REV3L: variants seen among roughly 807,000 people sequenced by gnomAD.
The protein encoded by REV3L is REV3 like, DNA directed polymerase zeta catalytic subunit.
REV3L carries 69 observed loss-of-function variants against 299.4 expected under a neutral mutation model. That is an observed-to-expected ratio of 0.23 (90% confidence interval 0.19 to 0.28). REV3L has a LOEUF of 0.28. Among genes scored for constraint, REV3L ranks in the 10% least tolerant of loss-of-function variants. The probability of loss-of-function intolerance (pLI) is 1.00; values close to 1 mark genes in which losing one functional copy is unlikely to be tolerated. For synonymous variants in REV3L, 1,238 were observed against 1,271.4 expected (o/e 0.97, Z 0.56); for missense variants, 3,128 against 3,693.8 (o/e 0.85, Z 3.97).
intron 13 of REV3L, among the ~76,000 whole-genome samples, chr6:111,370,486 T>C (rs896617992): frequency 3.9e-5 from 6 of 152,208 alleles, no homozygotes; most frequent in Non-Finnish European, 7.3e-5. Flanking sequence ...TAACCTTTTC[T>C]CACCCCTTTA....
At chr6:111,352,129 C>T (rs1259243955) in intron 18 of REV3L, among the ~76,000 whole-genome samples, 2 of 151,942 alleles carry the variant, frequency 1.3e-5, no homozygotes, top group African/African-American at 2.4e-5. Context: ...GCCTCAGCCT[C>T]CTGAGTAGCT....
intron 3 of REV3L, among the ~76,000 whole-genome samples, chr6:111,407,575 G>C (rs1783778869): frequency 6.6e-6 from 1 of 152,142 alleles, no homozygotes; most frequent in Non-Finnish European, 1.5e-5. Context: ...GCAACACAGA[G>C]GTCATTAGTG....
chr6:111,413,937 A>G (rs140627512), intron 2 of REV3L, among the ~76,000 whole-genome samples: 191 of 152,202 alleles, frequency 1.3e-3, no homozygotes, highest in African/African-American at 4.4e-3. Context: ...AACAAAACTA[A>G]AAGATAAAGT....
intron 9 of REV3L, among the ~76,000 whole-genome samples, chr6:111,386,707 T>C (rs1781379744): frequency 6.7e-6 from 1 of 149,308 alleles, no homozygotes; most frequent in African/African-American, 2.4e-5. Flanking sequence ...TTACTGCTTA[T>C]AACAGCACTA....
intron 1 of REV3L, among the ~76,000 whole-genome samples, chr6:111,422,649 C>CATATAT (rs58760555): frequency 0.02 from 446 of 22,508 alleles, 103 homozygotes; most frequent in Non-Finnish European, 0.037. Context: ...TATATATATA[C>CATATAT]ATATATATAT....
intron 9 of REV3L, among the ~76,000 whole-genome samples, chr6:111,385,875 A>G (rs1045930364): frequency 6.6e-5 from 10 of 152,320 alleles, no homozygotes; most frequent in African/African-American, 2.2e-4. Context: ...TAATTAGGAA[A>G]TGCAGATTAA....
At chr6:111,456,852 C>T (rs557166988) in intron 1 of REV3L, among the ~76,000 whole-genome samples, 3 of 152,180 alleles carry the variant, frequency 2.0e-5, no homozygotes, top group African/African-American at 7.2e-5. Flanking sequence ...TATTCCTTTT[C>T]ACTTGACTAC....
At position 111,300,151 on chromosome 6, in the gene REV3L, G is replaced by A; in HGVS notation, c.9258C>T (p.Cys3086=). Residue 3086 remains cysteine, a synonymous_variant, in exon 32 of 32, where the codon TGC becomes TGT. Transcript: ENST00000368802. ...ERQQEQLVKI[C]KNCTGCFDRH... is the part of the protein sequence containing the mutation. ...GATCAAAGCAACCTGTACAGTTCTT[G>A]CATATCTGAAAGCATAAGAGAAATA... is the stretch of plus-strand genomic sequence containing the variant. 6.3e-7 allele frequency: 1 copy of A among 1,581,098 alleles called. No homozygotes were observed. Among genetic ancestry groups the A allele is most frequent in the South Asian group, 1.2e-5 (1 of 84,538 alleles).
intron 14 of REV3L, 120 bp from the exon 15 acceptor site, chr6:111,365,464 C>T (rs1779095648): frequency 6.8e-6 from 3 of 438,324 alleles, no homozygotes; most frequent in Non-Finnish European, 1.2e-5. Context: ...CTATGAATTC[C>T]CCCCAGAATT....
At chr6:111,438,601 T>G (rs1787873541) in intron 1 of REV3L, among the ~76,000 whole-genome samples, 3 of 151,724 alleles carry the variant, frequency 2.0e-5, no homozygotes, top group African/African-American at 7.3e-5. Flanking sequence ...ACAATAAAAC[T>G]AAATGACAAA....
chr6:111,310,233 ATTTC>A, intron 29 of REV3L, 134 bp from the exon 30 acceptor site: 1 of 1,163,590 alleles, frequency 8.6e-7, no homozygotes, highest in Non-Finnish European at 1.2e-6. Context: ...CAGAATTACT[ATTTC>A]TTTGAGAATA....
At chr6:111,301,629 G>A (rs1335638039) in intron 31 of REV3L, among the ~76,000 whole-genome samples, 1 of 152,166 alleles carries the variant, frequency 6.6e-6, no homozygotes, top group Non-Finnish European at 1.5e-5. Context: ...TAATGAGTCA[G>A]AATCTCCAGG....
At chr6:111,445,055 G>A (rs997515282) in intron 1 of REV3L, among the ~76,000 whole-genome samples, 21 of 152,142 alleles carry the variant, frequency 1.4e-4, no homozygotes, top group Admixed American at 4.6e-4. Flanking sequence ...ATAATAAGAC[G>A]GCAACAGGAG....
chr6:111,434,341 G>A (rs773849772), intron 1 of REV3L, among the ~76,000 whole-genome samples: 5 of 152,142 alleles, frequency 3.3e-5, no homozygotes, highest in African/African-American at 7.2e-5. Flanking sequence ...TGGTCCGGGC[G>A]TGGTGGCTCA....
At position 111,378,501 on chromosome 6, in the gene REV3L, A is replaced by G. The variant is rs536429726; in HGVS notation, c.1455-658T>C. Reference sequence around the variant, plus strand: ...TTCCAAATCACAATTTATCATAAAAATCACTCCCTTAAGAGCTGAAAGAGG... The same window carrying G: ...TTCCAAATCACAATTTATCATAAAAGTCACTCCCTTAAGAGCTGAAAGAGG... On this transcript the variant is annotated intron_variant, in intron 11 of 31. Coordinates refer to ENST00000368802, the MANE Select transcript of REV3L (RefSeq NM_001372078.1). Among the ~76,000 whole-genome samples the G allele has an allele frequency of 2.1e-4, 32 of 152,288 alleles. No homozygotes were observed. The South Asian group carries it at 6.0e-3, about 29-fold the overall frequency.
intron 6 of REV3L, among the ~76,000 whole-genome samples, chr6:111,389,727 ATTTTTTTTTTTTTTT>A (rs10713895): frequency 2.5e-5 from 2 of 81,340 alleles, no homozygotes; most frequent in African/African-American, 4.4e-5. Context: ...TTGGTCATTA[ATTTTTTTTTTTTTTT>A]TTTTTTTTTT....
intron 1 of REV3L, among the ~76,000 whole-genome samples, chr6:111,469,555 C>T (rs893196462): frequency 2.0e-5 from 3 of 152,108 alleles, no homozygotes; most frequent in African/African-American, 7.2e-5. Context: ...TGGAATTGGC[C>T]ATGTTGATCT....
At chr6:111,316,066 C>T (rs747275165) in intron 26 of REV3L, among the ~76,000 whole-genome samples, 1 of 151,960 alleles carries the variant, frequency 6.6e-6, no homozygotes, top group Admixed American at 6.6e-5. Context: ...TGGTGAAACC[C>T]CATCCCTACT....
intron 9 of REV3L, among the ~76,000 whole-genome samples, chr6:111,385,266 AAC>A (rs1781232952): frequency 6.6e-6 from 1 of 152,164 alleles, no homozygotes; most frequent in Non-Finnish European, 1.5e-5. Context: ...GAATGTTTGT[AAC>A]ACAAAGAAAT....
Sources: gnomAD v4.1 joint callset for allele counts (sites outside exome capture counted in the v4.1 genomes callset) on GRCh38, gnomAD v4.1.1 for gene constraint, MANE v1.5 for transcripts, NCBI Gene and HGNC (gene_info 2026-07-23, HGNC 2026-07-21) for gene names.